Variants in ABLIM1 observed in about 807,000 individuals in gnomAD.
ABLIM1 encodes actin binding LIM protein 1, also known as actin-binding LIM protein 1.
ABLIM1 carries 40 observed loss-of-function variants against 107.0 expected under a neutral mutation model. The ratio of observed to expected loss-of-function variants is 0.37; its 90% CI spans 0.29 to 0.49. The LOEUF (loss-of-function observed/expected upper bound fraction) is 0.49. Ranked by LOEUF, ABLIM1 falls within the 20% of genes least tolerant of loss-of-function variation. ABLIM1 has a pLI of 0.97. For missense variants in ABLIM1, 857 were observed against 1,008.5 expected (o/e 0.85, Z 2.04); for synonymous variants, 357 against 357.3 (o/e 1.00, Z 0.01).
chr10:114,506,900 A>G (rs2061231470), intron 6 of ABLIM1, among the ~76,000 whole-genome samples: 1 of 152,202 alleles, frequency 6.6e-6, no homozygotes, highest in African/African-American at 2.4e-5. Context: ...TAAATCTTAA[A>G]GGACTTCATG....
chr10:114,530,493 T>C (rs548276061), intron 6 of ABLIM1, among the ~76,000 whole-genome samples: 1 of 152,280 alleles, frequency 6.6e-6, no homozygotes, highest in Non-Finnish European at 1.5e-5. Context: ...AAAAAATCAC[T>C]TGGGCCTTTA....
intron 5 of ABLIM1, 178 bp downstream of exon 5, chr10:114,547,472 C>A (rs2067503856): frequency 2.5e-6 from 2 of 788,198 alleles, no homozygotes; most frequent in South Asian, 3.9e-5. Context: ...TTTATAGTAG[C>A]CAAGGCAAAA....
chr10:114,767,792 C>A lies in ABLIM1; in HGVS notation c.-213+269G>T, dbSNP rs1027772270. 1.6e-4 allele frequency among the ~76,000 whole-genome samples: 25 copies of A among 152,286 alleles called. No homozygotes were observed. The East Asian group carries it at 4.8e-3, about 30-fold the overall frequency. ...GGCAGGGCAGCCAGCGCGAGCCCAT[C>A]CCCCACGCCTCCCAGCCCAGACGCG... On this transcript the variant is annotated intron_variant, in intron 1 of 15. Coordinates refer to the ABLIM1 transcript ENST00000651092.
At chr10:114,632,383 T>A (rs1181401084) in intron 1 of ABLIM1, 5 of 985,272 alleles carry the variant, frequency 5.1e-6, no homozygotes, top group African/African-American at 3.5e-5. Context: ...ACGGTTCCAA[T>A]AAGTAAAACT....
At chr10:114,745,488 G>A (rs2082365307) in intron 1 of ABLIM1, among the ~76,000 whole-genome samples, 3 of 152,198 alleles carry the variant, frequency 2.0e-5, no homozygotes, top group African/African-American at 7.2e-5. Flanking sequence ...TGGAACCTGG[G>A]AGGCAGAGGC....
At chr10:114,657,013 T>C (rs1161099503) in intron 1 of ABLIM1, among the ~76,000 whole-genome samples, 1 of 152,198 alleles carries the variant, frequency 6.6e-6, no homozygotes, top group Non-Finnish European at 1.5e-5. Flanking sequence ...ATCAGTTGCA[T>C]ACTAAAACTC....
rs527515788 is a variant in ABLIM1 at position 114,671,912 on chromosome 10, G to T, written c.64+12378C>A. On this transcript the variant is annotated intron_variant, in intron 1 of 23. Coordinates refer to the ABLIM1 transcript ENST00000369256. ...GGTTCTCTCTCTGCCACTCAGGCTG[G>T]AGTGCAGTGGCACGATCATAGCTCA... is the stretch of plus-strand genomic sequence containing the variant. Among the ~76,000 whole-genome samples, 88 of 152,244 alleles carry T rather than the reference G, an allele frequency of 5.8e-4. 2 individuals carry two copies. In the South Asian group the frequency reaches 0.017, roughly 30 times the overall value.
At position 114,431,515 on chromosome 10, in the gene ABLIM1, A is replaced by G. The variant is rs2058857466; in HGVS notation, c.*4745T>C. 6.6e-6 allele frequency: 1 copy of G among 152,192 alleles called. No homozygotes were observed. The highest frequency in any genetic ancestry group is 2.4e-5 in the African/African-American group (1 of 41,458). 9.4% of individuals were successfully genotyped at this position (152,192 alleles called of 1,614,324 possible). A position where few individuals can be genotyped will look rare whatever the true frequency, so the allele number is the denominator to read the frequency against. On this transcript the variant is annotated 3_prime_UTR_variant, in exon 23 of 23. Coordinates refer to ENST00000533213, the MANE Select transcript of ABLIM1 (RefSeq NM_002313.7). ...TCAGCAACTCGCAGGAACCACACAC[A>G]TGATTGGACAAGTCTGTACATAAAA...
At chr10:114,513,371 C>T (rs907320098) in intron 6 of ABLIM1, among the ~76,000 whole-genome samples, 9 of 152,154 alleles carry the variant, frequency 5.9e-5, no homozygotes, top group South Asian at 2.1e-4. Context: ...AAGAAATTAG[C>T]TTCATTTCAG....
intron 1 of ABLIM1, among the ~76,000 whole-genome samples, chr10:114,655,066 T>G (rs2141150577): frequency 1.3e-5 from 2 of 152,296 alleles, no homozygotes; most frequent in South Asian, 4.1e-4. Flanking sequence ...ACTCTAGGGA[T>G]AGGCCTGCTC....
Position 114,443,966 on chromosome 10 carries a change from C to T in ABLIM1, c.1933+63G>A, listed in dbSNP as rs866796050. The T allele has an allele frequency of 1.1e-5, 15 of 1,344,184 alleles. No individual in the cohort carries two copies. The Middle Eastern group carries it at 2.6e-3, about 234-fold the overall frequency. The allele number at this position is 1,344,184 out of a possible 1,614,324, so 83.3% of individuals were successfully genotyped here. A position where few individuals can be genotyped will look rare whatever the true frequency, so the allele number is the denominator to read the frequency against. ...TTCCACCACAAGTGAACAGTCAAGG[C>T]AGGTGCCTTACAAGCAGGTGGCTGG... On this transcript the variant is annotated intron_variant, in intron 17 of 22. Transcript: ENST00000533213.
intron 6 of ABLIM1, among the ~76,000 whole-genome samples, chr10:114,524,820 G>A (rs533854915): frequency 2.4e-4 from 37 of 152,320 alleles, no homozygotes; most frequent in Admixed American, 2.3e-3. Context: ...ATGTATATCC[G>A]CAGCAAGTCC....
intron 1 of ABLIM1, among the ~76,000 whole-genome samples, chr10:114,706,654 G>A (rs767711434): frequency 6.6e-6 from 1 of 152,190 alleles, no homozygotes; most frequent in East Asian, 1.9e-4. Flanking sequence ...GGCTAAAGAC[G>A]TCCACAGCAA....
intron 1 of ABLIM1, among the ~76,000 whole-genome samples, chr10:114,633,236 T>G (rs2078292608): frequency 6.6e-6 from 1 of 152,158 alleles, no homozygotes; most frequent in African/African-American, 2.4e-5. Flanking sequence ...CCGAAAGGAA[T>G]GAAGTCAATC....
intron 6 of ABLIM1, among the ~76,000 whole-genome samples, chr10:114,512,853 AAAGAAG>A (rs1565724576): frequency 0.092 from 10,985 of 119,876 alleles, 435 homozygotes; most frequent in Middle Eastern, 0.11. Flanking sequence ...GGAAGGAAGG[AAAGAAG>A]GAAGGAAGGA....
chr10:114,471,146 T>TGGCCTC (rs757225907), intron 10 of ABLIM1, among the ~76,000 whole-genome samples: 6 of 152,224 alleles, frequency 3.9e-5, no homozygotes, highest in East Asian at 3.8e-4. Context: ...ACCTTGGCCT[T>TGGCCTC]GGCCTCCTAA....
intron 1 of ABLIM1, among the ~76,000 whole-genome samples, chr10:114,696,927 A>C (rs1173797036): frequency 6.6e-6 from 1 of 152,224 alleles, no homozygotes; most frequent in African/African-American, 2.4e-5. Flanking sequence ...GCTGCAACAT[A>C]GAAATTTGGA....
At chr10:114,642,784 T>C (rs2078810062) in intron 1 of ABLIM1, among the ~76,000 whole-genome samples, 1 of 152,186 alleles carries the variant, frequency 6.6e-6, no homozygotes, top group Admixed American at 6.5e-5. Context: ...ATTCTCCATA[T>C]GTCCAGGCAG....
At chr10:114,440,393 G>T (rs748359824) in intron 19 of ABLIM1, among the ~76,000 whole-genome samples, 3 of 151,610 alleles carry the variant, frequency 2.0e-5, no homozygotes, top group Non-Finnish European at 4.4e-5. Context: ...CCTTCTTTCT[G>T]CCATATGCAT....
Sources: gnomAD v4.1 joint callset for allele counts (sites outside exome capture counted in the v4.1 genomes callset) on GRCh38, gnomAD v4.1.1 for gene constraint, MANE v1.5 for transcripts, NCBI Gene and HGNC (gene_info 2026-07-23, HGNC 2026-07-21) for gene names.